Variants in ZPLD1 observed in about 807,000 individuals in gnomAD.
The protein encoded by ZPLD1 is zona pellucida-like domain-containing protein 1.
Under a neutral mutation model 47.2 loss-of-function variants are expected in ZPLD1, and 34 were observed. The ratio of observed to expected loss-of-function variants is 0.72; its 90% CI spans 0.55 to 0.96. The LOEUF (loss-of-function observed/expected upper bound fraction) is 0.96, where lower values mean the gene tolerates loss of function less well. Among genes scored for constraint, ZPLD1 ranks in the 40% least tolerant of loss-of-function variants. The pLI, the probability that ZPLD1 is intolerant of heterozygous loss-of-function variation, is 0.00. For missense variants in ZPLD1, 512 were observed against 505.8 expected (o/e 1.01, Z -0.12); for synonymous variants, 176 against 186.2 (o/e 0.95, Z 0.45).
intron 8 of ZPLD1, among the ~76,000 whole-genome samples, chr3:102,467,167 A>G (rs1053752800): frequency 6.6e-6 from 1 of 152,164 alleles, no homozygotes; most frequent in African/African-American, 2.4e-5. Context: ...AGAGACAGCA[A>G]TTTATAACGA....
chr3:102,437,308 A>G (rs1576146406), intron 2 of ZPLD1, among the ~76,000 whole-genome samples: 1 of 152,314 alleles, frequency 6.6e-6, no homozygotes, highest in Non-Finnish European at 1.5e-5. Flanking sequence ...GAGAGTGAGC[A>G]TGACTTTCTT....
At chr3:102,475,580 T>C (rs529397377) in intron 10 of ZPLD1, among the ~76,000 whole-genome samples, 1 of 152,316 alleles carries the variant, frequency 6.6e-6, no homozygotes, top group South Asian at 2.1e-4. Context: ...TTTGGAAGAA[T>C]TGATCATAGT....
rs1576159530 is a variant in ZPLD1 at position 102,457,696 on chromosome 3, G to A, written c.510-85G>A. The A allele has an allele frequency of 9.1e-6, 11 of 1,212,312 alleles. No homozygotes were observed. In the East Asian group the frequency reaches 2.1e-4, roughly 23 times the overall value. The allele number at this position is 1,212,312 out of a possible 1,614,324, so 75.1% of individuals were successfully genotyped here. A position where few individuals can be genotyped will look rare whatever the true frequency, so the allele number is the denominator to read the frequency against. ...AACAGTATGTCAGAATTATTCAGGA[G>A]TTTTAGTGCTTTAAGTCTAACATCT... is the stretch of plus-strand genomic sequence containing the variant. On this transcript the variant is annotated intron_variant, in intron 5 of 11. Transcript: ENST00000466937.
chr3:102,390,631 T>G (rs1306753926), intron 6 of ZPLD1, among the ~76,000 whole-genome samples: 1 of 152,174 alleles, frequency 6.6e-6, no homozygotes, highest in African/African-American at 2.4e-5. Context: ...TCGACAAACA[T>G]GAAGTGCATG....
intron 3 of ZPLD1, among the ~76,000 whole-genome samples, chr3:102,449,533 C>T (rs1420619449): frequency 6.6e-6 from 1 of 152,176 alleles, no homozygotes; most frequent in Non-Finnish European, 1.5e-5. Flanking sequence ...CGCGATTCAG[C>T]TCCATCCTGC....
rs1248272011 is a variant in ZPLD1, at chr3:102,426,602, T to TTA, written c.-9+8397_-9+8398dup. ...TCCAATGTAAAGATTTGTATAATGGTTATCTTCATTTGTCTATGAGTAATT... is the reference window on the plus strand; with the variant it reads ...TCCAATGTAAAGATTTGTATAATGGTTATATCTTCATTTGTCTATGAGTAATT... On this transcript the variant is annotated intron_variant, in intron 8 of 17. Transcript: ENST00000491959. 3.3e-5 allele frequency among the ~76,000 whole-genome samples: 5 copies of TTA among 152,344 alleles called. No homozygotes were observed. The Middle Eastern group carries it at 0.01, about 311-fold the overall frequency.
At chr3:102,394,114 T>C (rs1706531741) in intron 7 of ZPLD1, among the ~76,000 whole-genome samples, 1 of 152,180 alleles carries the variant, frequency 6.6e-6, no homozygotes, top group African/African-American at 2.4e-5. Flanking sequence ...TTGTTTTCCA[T>C]TACAGTTTTT....
chr3:102,408,386 C>T (rs1706715823), intron 7 of ZPLD1, among the ~76,000 whole-genome samples: 1 of 151,816 alleles, frequency 6.6e-6, no homozygotes, highest in South Asian at 2.1e-4. Flanking sequence ...GGATCACACG[C>T]CCATCCTCAG....
At chr3:102,443,234 A>C (rs1271370189) in intron 3 of ZPLD1, among the ~76,000 whole-genome samples, 1 of 152,208 alleles carries the variant, frequency 6.6e-6, no homozygotes, top group Non-Finnish European at 1.5e-5. Flanking sequence ...AATATGAGTC[A>C]GTGTTTCATA....
At chr3:102,441,275 G>A (rs1707173279) in intron 3 of ZPLD1, among the ~76,000 whole-genome samples, 1 of 152,150 alleles carries the variant, frequency 6.6e-6, no homozygotes, top group South Asian at 2.1e-4. Flanking sequence ...TTATCATATG[G>A]TGAATTTTTA....
At chr3:102,430,599 A>C (rs183693442), upstream of ZPLD1, among the ~76,000 whole-genome samples, 1 of 152,320 alleles carries the variant, frequency 6.6e-6, no homozygotes, top group African/African-American at 2.4e-5. Flanking sequence ...GTACTATAGG[A>C]AAAAGAGCTG....
intron 7 of ZPLD1, among the ~76,000 whole-genome samples, chr3:102,411,725 G>C (rs1706749465): frequency 6.6e-6 from 1 of 151,640 alleles, no homozygotes; most frequent in African/African-American, 2.4e-5. Context: ...TTTCATTTTG[G>C]GTATGGACAA....
At position 102,392,527 on chromosome 3, in the gene ZPLD1, CCTTCCTT is replaced by C. The variant is rs1706507775; in HGVS notation, c.-157+304_-157+310del. On this transcript the variant is annotated intron_variant, in intron 7 of 17. Transcript: ENST00000491959. Reference sequence around the variant, plus strand: ...TCCTTTCTTTCTTCCTTCCTTCCTTCCTTCCTTCCTCCCTCCCTCCCTTCCTTCCTCC... The same window carrying C: ...TCCTTTCTTTCTTCCTTCCTTCCTTCCCTCCCTCCCTCCCTTCCTTCCTCC... Among the ~76,000 whole-genome samples, 3 of 150,594 alleles carry C rather than the reference CCTTCCTT, an allele frequency of 2.0e-5. No individual in the cohort carries two copies. In the South Asian group the frequency reaches 6.3e-4, roughly 31 times the overall value.
chr3:102,409,626 T>C (rs1706728356), intron 7 of ZPLD1, among the ~76,000 whole-genome samples: 1 of 151,948 alleles, frequency 6.6e-6, no homozygotes, highest in Non-Finnish European at 1.5e-5. Flanking sequence ...GGCTTATATT[T>C]CTTAAAACTT....
At chr3:102,430,127 G>A (rs1475761709), upstream of ZPLD1, among the ~76,000 whole-genome samples, 2 of 152,262 alleles carry the variant, frequency 1.3e-5, no homozygotes, top group Admixed American at 6.5e-5. Flanking sequence ...GACAACTTCT[G>A]GCCCTCTCCT....
intron 8 of ZPLD1, among the ~76,000 whole-genome samples, chr3:102,426,105 A>C (rs1334814782): frequency 6.7e-6 from 1 of 149,888 alleles, no homozygotes; most frequent in Non-Finnish European, 1.5e-5. Flanking sequence ...ATTTTGACAT[A>C]TTTCCTACAC....
At chr3:102,400,615 T>G (rs1167161634) in intron 7 of ZPLD1, among the ~76,000 whole-genome samples, 1 of 152,116 alleles carries the variant, frequency 6.6e-6, no homozygotes, top group African/African-American at 2.4e-5. Context: ...CCACACTTAC[T>G]GACTGCACTA....
At chr3:102,474,344 C>T (rs1303494102) in intron 10 of ZPLD1, among the ~76,000 whole-genome samples, 2 of 152,174 alleles carry the variant, frequency 1.3e-5, no homozygotes, top group East Asian at 1.9e-4. Flanking sequence ...TATTCTTGTT[C>T]GATTAGAATT....
At chr3:102,395,247 C>T (rs1434310787) in intron 7 of ZPLD1, among the ~76,000 whole-genome samples, 3 of 151,886 alleles carry the variant, frequency 2.0e-5, no homozygotes, top group African/African-American at 7.3e-5. Flanking sequence ...CTTTACTTAC[C>T]AAATATATAT....
Sources: allele counts gnomAD v4.1 joint callset (sites outside exome capture counted in the v4.1 genomes callset), GRCh38; gene constraint gnomAD v4.1.1; transcripts MANE v1.5; gene names NCBI Gene and HGNC (gene_info 2026-07-23, HGNC 2026-07-21).